RPN2: variants seen among roughly 807,000 people sequenced by gnomAD.
RPN2 encodes the protein ribophorin II, also known as dolichyl-diphosphooligosaccharide--protein glycosyltransferase subunit 2.
In RPN2, 29 loss-of-function variants were observed where a neutral mutation model predicts 71.4. The ratio of observed to expected loss-of-function variants is 0.41; its 90% CI spans 0.30 to 0.55. The LOEUF (loss-of-function observed/expected upper bound fraction) is 0.55. Ranked by LOEUF, RPN2 falls within the 20% of genes least tolerant of loss-of-function variation. RPN2 has a pLI of 0.35. For synonymous variants in RPN2, 308 were observed against 305.0 expected, an observed-to-expected ratio of 1.01 and a Z score of -0.10; for missense variants, 726 against 774.1, an observed-to-expected ratio of 0.94 and a Z score of 0.74.
Position 37,198,512 on chromosome 20 carries a change from C to T in RPN2, c.303+20C>T. ...TGTGAGGTGAGTCCGGGTTCCTACG[C>T]TGACAATGACTTTAACTATTTAAAG... is the stretch of plus-strand genomic sequence containing the variant. On this transcript the variant is annotated intron_variant, in intron 3 of 16. Transcript: ENST00000237530. The T allele has an allele frequency of 6.2e-7, 1 of 1,614,040 alleles. No individual in the cohort carries two copies. The highest frequency in any genetic ancestry group is 1.3e-5 in the African/African-American group (1 of 75,036).
At chr20:37,200,252 G>C (rs2067352614) in intron 4 of RPN2, among the ~76,000 whole-genome samples, 1 of 152,150 alleles carries the variant, frequency 6.6e-6, no homozygotes, top group Non-Finnish European at 1.5e-5. Flanking sequence ...GCCTCCCAAA[G>C]TGCTGGGATT....
chr20:37,202,549 G>A (rs578261864), intron 4 of RPN2, among the ~76,000 whole-genome samples: 129 of 152,196 alleles, frequency 8.5e-4, no homozygotes, highest in African/African-American at 2.8e-3. Flanking sequence ...TAACCACCAG[G>A]GGGCCTCTCC....
At chr20:37,199,368 C>A (rs924340468) in intron 4 of RPN2, 143 bp downstream of exon 4, 4 of 1,041,998 alleles carry the variant, frequency 3.8e-6, no homozygotes, top group Non-Finnish European at 5.7e-6. Flanking sequence ...TGCAAGGCAC[C>A]GCAGACATGA....
chr20:37,187,552 G>T, intron 2 of RPN2, among the ~76,000 whole-genome samples: 1 of 151,174 alleles, frequency 6.6e-6, no homozygotes, highest in African/African-American at 2.4e-5. Context: ...TATATTGTTG[G>T]GTTTACATCT....
chr20:37,212,434 T>G (rs1295514755), intron 8 of RPN2, among the ~76,000 whole-genome samples: 1 of 152,068 alleles, frequency 6.6e-6, no homozygotes, highest in African/African-American at 2.4e-5. Context: ...AGAAAAAAAT[T>G]AAGGGTCAAT....
At chr20:37,227,699 T>G (rs2068114083) in intron 11 of RPN2, among the ~76,000 whole-genome samples, 1 of 152,248 alleles carries the variant, frequency 6.6e-6, no homozygotes, top group Non-Finnish European at 1.5e-5. Context: ...CCTGCCTTGT[T>G]GAATTCTTTA....
At chr20:37,221,118 G>A (rs1172847907) in intron 9 of RPN2, among the ~76,000 whole-genome samples, 5 of 152,074 alleles carry the variant, frequency 3.3e-5, no homozygotes, top group African/African-American at 9.7e-5. Context: ...TTTACAGCCA[G>A]GATTCTAAGT....
In RPN2 at chr20:37,225,743, T is replaced by C; in HGVS notation, c.1240T>C (p.Phe414Leu). ...ATTCATCGCAGACAGCCACCAGAAC[T>C]TCGCCTTGTTCTTCCAGCTGGTAGA... ...GTFIADSHQN[F>L]ALFFQLVDVN... The change falls in exon 11 of 17, where the codon TTC (phenylalanine) becomes CTC (leucine). Residue 414 changes from phenylalanine to leucine, a missense_variant. Transcript: ENST00000237530. The C allele has an allele frequency of 6.2e-7, 1 of 1,614,176 alleles. No homozygotes were observed. Among genetic ancestry groups the C allele is most frequent in the Non-Finnish European group, 8.5e-7 (1 of 1,180,010 alleles).
chr20:37,196,355 G>A (rs1343531357), intron 2 of RPN2, among the ~76,000 whole-genome samples: 2 of 152,078 alleles, frequency 1.3e-5, no homozygotes, highest in East Asian at 1.9e-4. Context: ...CAAGCCTCCC[G>A]AGTAGCTGGG....
At chr20:37,211,116 C>G (rs2067651397) in intron 8 of RPN2, among the ~76,000 whole-genome samples, 1 of 151,436 alleles carries the variant, frequency 6.6e-6, no homozygotes, top group Non-Finnish European at 1.5e-5. Flanking sequence ...CTCACTGCAA[C>G]CTCCACCTCC....
chr20:37,192,503 G>T (rs535589533), intron 2 of RPN2, among the ~76,000 whole-genome samples: 1 of 152,346 alleles, frequency 6.6e-6, no homozygotes, highest in Admixed American at 6.5e-5. Flanking sequence ...GCACTGGAGT[G>T]CTGCCATCTG....
chr20:37,239,204 G>A lies in RPN2; in HGVS notation c.1884-2099G>A, dbSNP rs1292240949. ...GCTTAACTGGCCATATGGTCTCTTGGCACCAACTACTCAACTCTGTCACTG... is the reference window on the plus strand; with the variant it reads ...GCTTAACTGGCCATATGGTCTCTTGACACCAACTACTCAACTCTGTCACTG... On this transcript the variant is annotated intron_variant, in intron 16 of 16. Transcript: ENST00000237530. 3.9e-5 allele frequency among the ~76,000 whole-genome samples: 6 copies of A among 152,184 alleles called. No individual in the cohort carries two copies. The East Asian group carries it at 7.7e-4, about 20-fold the overall frequency.
chr20:37,211,455 A>G (rs68077280), intron 8 of RPN2, among the ~76,000 whole-genome samples: 116,134 of 150,174 alleles, frequency 0.77, 45,375 homozygotes, highest in Middle Eastern at 0.89. Flanking sequence ...CCTGGCCAAC[A>G]TGGCGAAACC....
At chr20:37,183,240 A>G (rs2146506097) in intron 1 of RPN2, among the ~76,000 whole-genome samples, 1 of 148,682 alleles carries the variant, frequency 6.7e-6, no homozygotes, top group East Asian at 1.9e-4. Context: ...TTTGAGACGG[A>G]GTTTTGCTCT....
intron 2 of RPN2, among the ~76,000 whole-genome samples, chr20:37,191,902 T>C: frequency 6.8e-6 from 1 of 147,710 alleles, no homozygotes. Context: ...GGCAACATAG[T>C]GAGACACCCG....
intron 9 of RPN2, among the ~76,000 whole-genome samples, chr20:37,223,629 C>T (rs2068009741): frequency 8.3e-6 from 1 of 120,776 alleles, no homozygotes; most frequent in African/African-American, 4.3e-5. Flanking sequence ...TTTCCTTTTT[C>T]TTCTTCTTTT....
In RPN2 at chr20:37,241,284, T is replaced by C. The variant is rs761023999; in HGVS notation, c.1884-19T>C. 4.2e-5 allele frequency: 67 copies of C among 1,612,262 alleles called. No homozygotes were observed. The highest frequency in any genetic ancestry group is 5.3e-5 in the Non-Finnish European group (62 of 1,179,012). Reference sequence around the variant, plus strand: ...CTGAAACCTTCAGTAATTCTGTGTTTGTCTCCATTTTCTTTCAGAACAGCA... The same window carrying C: ...CTGAAACCTTCAGTAATTCTGTGTTCGTCTCCATTTTCTTTCAGAACAGCA... On this transcript the variant is annotated intron_variant, in intron 16 of 16. Coordinates refer to ENST00000237530, the MANE Select transcript of RPN2 (RefSeq NM_002951.5).
chr20:37,225,881 G>T, intron 11 of RPN2, 79 bp downstream of exon 11: 2 of 980,452 alleles, frequency 2.0e-6, no homozygotes, highest in South Asian at 1.3e-5. Context: ...CTATAACATG[G>T]ACTAGAGAGA....
intron 2 of RPN2, among the ~76,000 whole-genome samples, chr20:37,190,518 T>C (rs1230287163): frequency 6.6e-6 from 1 of 152,238 alleles, no homozygotes; most frequent in African/African-American, 2.4e-5. Context: ...AGCTCACAGA[T>C]AATGTGTGCA....
Sources: gnomAD v4.1 joint callset for allele counts (sites outside exome capture counted in the v4.1 genomes callset) on GRCh38, gnomAD v4.1.1 for gene constraint, MANE v1.5 for transcripts, NCBI Gene and HGNC (gene_info 2026-07-23, HGNC 2026-07-21) for gene names.